Variants in ZDHHC20 observed in about 807,000 individuals in gnomAD.
The protein encoded by ZDHHC20 is palmitoyltransferase ZDHHC20.
A neutral mutation model predicts 57.8 loss-of-function variants in ZDHHC20; 43 were observed. The observed-to-expected ratio is 0.74, with a 90% CI of 0.58 to 0.96. The LOEUF is 0.96. Among genes scored for constraint, ZDHHC20 ranks in the 40% least tolerant of loss-of-function variants. The pLI, the probability that ZDHHC20 is intolerant of heterozygous loss-of-function variation, is 0.00. For missense variants in ZDHHC20, 391 were observed against 441.1 expected, an observed-to-expected ratio of 0.89 and a Z score of 1.02; for synonymous variants, 157 against 153.0, an observed-to-expected ratio of 1.03 and a Z score of -0.19.
intron 4 of ZDHHC20, among the ~76,000 whole-genome samples, chr13:21,410,003 TCCTC>T (rs1290473502): frequency 1.3e-5 from 2 of 152,236 alleles, no homozygotes; most frequent in Non-Finnish European, 2.9e-5. Flanking sequence ...CACTGGTTTT[TCCTC>T]ATCTTCGTGG....
At chr13:21,435,194 C>A (rs1446395850) in intron 1 of ZDHHC20, among the ~76,000 whole-genome samples, 1 of 151,640 alleles carries the variant, frequency 6.6e-6, no homozygotes, top group South Asian at 2.1e-4. Flanking sequence ...GTGTCATTTT[C>A]ATTTTTTTTT....
At chr13:21,444,742 T>C (rs1426253461) in intron 1 of ZDHHC20, among the ~76,000 whole-genome samples, 1 of 152,122 alleles carries the variant, frequency 6.6e-6, no homozygotes, top group African/African-American at 2.4e-5. Flanking sequence ...ATAGGTACTG[T>C]TATACCAAAT....
chr13:21,424,815 T>C (rs1881072223), intron 2 of ZDHHC20, among the ~76,000 whole-genome samples: 1 of 152,180 alleles, frequency 6.6e-6, no homozygotes, highest in African/African-American at 2.4e-5. Context: ...CTTTGCTTTC[T>C]GTATCTGTGC....
At chr13:21,455,110 G>C (rs924673183) in intron 1 of ZDHHC20, among the ~76,000 whole-genome samples, 3 of 152,092 alleles carry the variant, frequency 2.0e-5, no homozygotes, top group African/African-American at 7.2e-5. Context: ...TTAGAGAGAT[G>C]GGGTTTCACC....
At chr13:21,412,066 G>A (rs1288060893) in intron 4 of ZDHHC20, among the ~76,000 whole-genome samples, 8 of 152,198 alleles carry the variant, frequency 5.3e-5, no homozygotes, top group Admixed American at 5.2e-4. Flanking sequence ...TGATAGTGGC[G>A]ATTGGATGCT....
chr13:21,387,309 TAA>T (rs1423627628), intron 9 of ZDHHC20, among the ~76,000 whole-genome samples, 197 bp downstream of exon 9: 2 of 152,092 alleles, frequency 1.3e-5, no homozygotes, highest in Non-Finnish European at 2.9e-5. Context: ...TTCAAATATA[TAA>T]ACTCTCCTTA....
chr13:21,388,951 A>G (rs1593185506), intron 8 of ZDHHC20, among the ~76,000 whole-genome samples: 2 of 152,344 alleles, frequency 1.3e-5, no homozygotes, highest in East Asian at 3.9e-4. Flanking sequence ...ATAAAACCAG[A>G]AGGGAAAGAA....
intron 7 of ZDHHC20, among the ~76,000 whole-genome samples, chr13:21,396,950 T>C (rs1214250885): frequency 6.6e-6 from 1 of 152,236 alleles, no homozygotes; most frequent in Non-Finnish European, 1.5e-5. Flanking sequence ...TAGGAGTCCT[T>C]TGTGAGATAT....
chr13:21,376,953 A>G (rs879836350), intron 12 of ZDHHC20: 4 of 194,522 alleles, frequency 2.1e-5, no homozygotes, highest in Non-Finnish European at 4.1e-5. Flanking sequence ...CACCTGTCCT[A>G]AGATTGGCGC....
chr13:21,422,658 C>A (rs1169810894), intron 2 of ZDHHC20, among the ~76,000 whole-genome samples: 1 of 152,130 alleles, frequency 6.6e-6, no homozygotes, highest in Non-Finnish European at 1.5e-5. Flanking sequence ...TCAATAATTT[C>A]AATAATTATC....
intron 3 of ZDHHC20, among the ~76,000 whole-genome samples, chr13:21,414,402 C>T (rs377204246): frequency 9.4e-4 from 143 of 151,554 alleles, no homozygotes; most frequent in African/African-American, 3.3e-3. Context: ...GCTCTGTCGC[C>T]CAGGCTAGAG....
At chr13:21,458,593 C>G (rs77275917) in intron 1 of ZDHHC20, among the ~76,000 whole-genome samples, 3,661 of 152,278 alleles carry the variant, frequency 0.024, 137 homozygotes, top group African/African-American at 0.083. Context: ...ACAGCCGGCT[C>G]TACAGGTAAC....
intron 6 of ZDHHC20, among the ~76,000 whole-genome samples, chr13:21,400,733 G>T (rs1483065684): frequency 2.0e-5 from 3 of 152,040 alleles, no homozygotes; most frequent in Admixed American, 6.5e-5. Flanking sequence ...TACATCTTAT[G>T]GGAGTCTCAT....
chr13:21,385,321 T>C (rs141694291), intron 9 of ZDHHC20, among the ~76,000 whole-genome samples: 300 of 152,102 alleles, frequency 2.0e-3, no homozygotes, highest in African/African-American at 7.0e-3. Flanking sequence ...CCCAGCTTCT[T>C]TGGAGGCTGA....
chr13:21,380,709 T>C (rs894888180), intron 11 of ZDHHC20, among the ~76,000 whole-genome samples: 7 of 151,376 alleles, frequency 4.6e-5, no homozygotes, highest in Admixed American at 4.6e-4. Flanking sequence ...GGGGAATCAC[T>C]TGAACCCGGG....
intron 1 of ZDHHC20, among the ~76,000 whole-genome samples, chr13:21,432,080 T>A (rs1882024677): frequency 1.3e-5 from 2 of 152,162 alleles, no homozygotes; most frequent in South Asian, 2.1e-4. Flanking sequence ...TATATTTAGG[T>A]CTGTAATATA....
chr13:21,405,138 T>A (rs1425941328), intron 4 of ZDHHC20, among the ~76,000 whole-genome samples: 1 of 152,172 alleles, frequency 6.6e-6, no homozygotes, highest in Non-Finnish European at 1.5e-5. Flanking sequence ...CTAAAAATTT[T>A]TTTTTTTAAA....
At chr13:21,378,417 A>G (rs1331834997) in intron 12 of ZDHHC20, among the ~76,000 whole-genome samples, 1 of 152,176 alleles carries the variant, frequency 6.6e-6, no homozygotes, top group Non-Finnish European at 1.5e-5. Context: ...TGGTCCACAT[A>G]CTAGTCCTAA....
Position 21,402,317 on chromosome 13 carries a change from A to T in ZDHHC20, c.440+480T>A, listed in dbSNP as rs138536347. 5.7e-3 allele frequency among the ~76,000 whole-genome samples: 870 copies of T among 152,060 alleles called. 12 individuals carry two copies. The highest frequency in any genetic ancestry group is 0.019 in the African/African-American group (787 of 41,476). ...ATAAGCACTACTGTATTTTTGTAAT[A>T]AAAAAAACCCACCAAACTCCAAATT... On this transcript the variant is annotated intron_variant, in intron 5 of 12. Transcript: ENST00000400590.
Sources: allele counts gnomAD v4.1 joint callset (sites outside exome capture counted in the v4.1 genomes callset), GRCh38; gene constraint gnomAD v4.1.1; transcripts MANE v1.5; gene names NCBI Gene and HGNC (gene_info 2026-07-23, HGNC 2026-07-21).